Variants in FSTL4 observed in about 807,000 individuals in gnomAD.
FSTL4 encodes follistatin-related protein 4.
Under a neutral mutation model 78.2 loss-of-function variants are expected in FSTL4, and 28 were observed. The ratio of observed to expected loss-of-function variants is 0.36; its 90% CI spans 0.27 to 0.49. The LOEUF is 0.49. Ranked by LOEUF, FSTL4 falls within the 20% of genes least tolerant of loss-of-function variation. The probability of loss-of-function intolerance (pLI) is 0.98; values close to 1 mark genes in which losing one functional copy is unlikely to be tolerated. For missense variants in FSTL4, 922 were observed against 1,084.9 expected (o/e 0.85, Z 2.11); for synonymous variants, 422 against 440.5 (o/e 0.96, Z 0.53).
intron 8 of FSTL4, among the ~76,000 whole-genome samples, chr5:133,226,409 G>A (rs1459930045): frequency 6.6e-6 from 1 of 152,124 alleles, no homozygotes; most frequent in Non-Finnish European, 1.5e-5. Context: ...CAGGGTTGGG[G>A]GTGTGAGCCT....
intron 3 of FSTL4, among the ~76,000 whole-genome samples, chr5:133,541,280 T>C (rs1258881995): frequency 6.6e-6 from 1 of 152,134 alleles, no homozygotes; most frequent in Non-Finnish European, 1.5e-5. Flanking sequence ...CTGAAGCTGT[T>C]GGGGGCTGAT....
chr5:133,432,433 G>A (rs983455568), intron 3 of FSTL4, among the ~76,000 whole-genome samples: 1 of 152,288 alleles, frequency 6.6e-6, no homozygotes, highest in East Asian at 1.9e-4. Context: ...TGCACTGCAC[G>A]AGAGATTTGT....
intron 4 of FSTL4, among the ~76,000 whole-genome samples, chr5:133,331,028 A>G (rs1402463336): frequency 6.6e-6 from 1 of 152,204 alleles, no homozygotes; most frequent in Admixed American, 6.5e-5. Context: ...CCTGGGGGCC[A>G]TGGAGGCTCC....
At chr5:133,463,270 CA>C (rs1393641983) in intron 3 of FSTL4, among the ~76,000 whole-genome samples, 2 of 152,160 alleles carry the variant, frequency 1.3e-5, no homozygotes, top group Non-Finnish European at 2.9e-5. Flanking sequence ...CCAGTTTTAG[CA>C]AAGAATCCTG....
intron 11 of FSTL4, among the ~76,000 whole-genome samples, chr5:133,221,607 G>A (rs567711185): frequency 6.6e-6 from 1 of 152,290 alleles, no homozygotes; most frequent in East Asian, 1.9e-4. Context: ...AGGAGGGAAA[G>A]GGACTTGTCT....
At chr5:133,492,495 T>C (rs1427593032) in intron 3 of FSTL4, among the ~76,000 whole-genome samples, 3 of 152,202 alleles carry the variant, frequency 2.0e-5, no homozygotes, top group Non-Finnish European at 4.4e-5. Flanking sequence ...AATTCTAAGT[T>C]GACTATTTTA....
At chr5:133,518,685 A>C (rs1309763902) in intron 3 of FSTL4, among the ~76,000 whole-genome samples, 2 of 152,242 alleles carry the variant, frequency 1.3e-5, no homozygotes, top group African/African-American at 4.8e-5. Flanking sequence ...ATATAAGAAC[A>C]GAGATGCTGA....
At chr5:133,277,880 G>A (rs779461780) in intron 6 of FSTL4, among the ~76,000 whole-genome samples, 13 of 152,312 alleles carry the variant, frequency 8.5e-5, no homozygotes, top group African/African-American at 1.9e-4. Context: ...CAGCCAGTCC[G>A]GAGTAGGTGG....
At chr5:133,600,650 C>T (rs1421972770) in intron 2 of FSTL4, among the ~76,000 whole-genome samples, 3 of 152,200 alleles carry the variant, frequency 2.0e-5, no homozygotes, top group African/African-American at 2.4e-5. Flanking sequence ...TAATTTAACA[C>T]TTGCTATAAT....
chr5:133,393,381 G>C (rs1477288916), intron 4 of FSTL4, among the ~76,000 whole-genome samples: 1 of 152,148 alleles, frequency 6.6e-6, no homozygotes, highest in Admixed American at 6.5e-5. Context: ...GATCATACTG[G>C]TATCCTCAGG....
At chr5:133,772,258 A>T in the FSTL4 span, among the ~76,000 whole-genome samples, 1 of 152,198 alleles carries the variant, frequency 6.6e-6, no homozygotes, top group Non-Finnish European at 1.5e-5. Context: ...GCCATATGTT[A>T]TTTGTGGCAA....
the FSTL4 span, among the ~76,000 whole-genome samples, chr5:133,726,547 G>A: frequency 1.3e-5 from 2 of 152,148 alleles, no homozygotes; most frequent in Non-Finnish European, 2.9e-5. Flanking sequence ...ATCCCCATGA[G>A]CGAGCCAGGA....
intron 2 of FSTL4, among the ~76,000 whole-genome samples, chr5:133,599,660 T>C (rs948521000): frequency 6.6e-6 from 1 of 152,226 alleles, no homozygotes; most frequent in Non-Finnish European, 1.5e-5. Context: ...TAAGACCATG[T>C]AACGCCCACC....
At chr5:133,490,338 C>T (rs1758241942) in intron 3 of FSTL4, among the ~76,000 whole-genome samples, 1 of 151,916 alleles carries the variant, frequency 6.6e-6, no homozygotes, top group African/African-American at 2.4e-5. Flanking sequence ...GCGTTTACTG[C>T]CAGTCTTGTC....
chr5:133,392,232 G>A (rs772469433), intron 4 of FSTL4, among the ~76,000 whole-genome samples: 9 of 152,170 alleles, frequency 5.9e-5, no homozygotes, highest in Non-Finnish European at 1.0e-4. Flanking sequence ...ACTGAAACGT[G>A]AGGAGAGGTC....
the FSTL4 span, among the ~76,000 whole-genome samples, chr5:133,640,985 T>G: frequency 6.6e-6 from 1 of 152,208 alleles, no homozygotes; most frequent in Non-Finnish European, 1.5e-5. Context: ...TGACTGCTCT[T>G]GCTTTCCTTG....
chr5:133,239,181 G>T (rs1011736224), intron 7 of FSTL4, among the ~76,000 whole-genome samples: 1 of 152,084 alleles, frequency 6.6e-6, no homozygotes, highest in Non-Finnish European at 1.5e-5. Context: ...GCCTCCCTGC[G>T]GGGCAAGGCT....
rs761474273 is a variant in FSTL4 at position 133,316,573 on chromosome 5, T to C, written c.489A>G (p.Gln163=). The change falls in exon 5 of 16, where the codon CAA becomes CAG. Residue 163 remains glutamine, a synonymous_variant. Transcript: ENST00000265342. ...LALQTRLQPL[Q]EGDSRQDPAS... ...CAGGGTCTTGTCTGCTGTCTCCTTC[T>C]TGGAGTGGCTGCAGACGGGTCTGGA... The C allele has an allele frequency of 2.5e-5, 40 of 1,614,136 alleles. No homozygotes were observed. Among genetic ancestry groups the C allele is most frequent in the Middle Eastern group, 1.6e-4 (1 of 6,062 alleles).
At chr5:133,768,358 T>C in the FSTL4 span, among the ~76,000 whole-genome samples, 1 of 152,240 alleles carries the variant, frequency 6.6e-6, no homozygotes, top group Non-Finnish European at 1.5e-5. Context: ...CCAGTGTGCC[T>C]GTGCAGCGAG....
Sources: gnomAD v4.1 joint callset for allele counts (sites outside exome capture counted in the v4.1 genomes callset) on GRCh38, gnomAD v4.1.1 for gene constraint, MANE v1.5 for transcripts, NCBI Gene and HGNC (gene_info 2026-07-23, HGNC 2026-07-21) for gene names.